LRRTM4: variants seen among roughly 807,000 people sequenced by gnomAD.
LRRTM4 encodes leucine rich repeat transmembrane neuronal 4.
A neutral mutation model predicts 47.6 loss-of-function variants in LRRTM4; 25 were observed. The ratio of observed to expected loss-of-function variants is 0.53; its 90% CI spans 0.38 to 0.73. LRRTM4 has a LOEUF of 0.73. Ranked by LOEUF, LRRTM4 falls within the 30% of genes least tolerant of loss-of-function variation. The pLI is 0.00. For synonymous variants in LRRTM4, 311 were observed against 269.5 expected, an observed-to-expected ratio of 1.15 and a Z score of -1.51; for missense variants, 638 against 713.4, an observed-to-expected ratio of 0.89 and a Z score of 1.20.
intron 3 of LRRTM4, among the ~76,000 whole-genome samples, chr2:77,357,554 G>A (rs1244958899): frequency 1.3e-5 from 2 of 152,046 alleles, no homozygotes; most frequent in African/African-American, 2.4e-5. Flanking sequence ...ATATAAATAT[G>A]AACTTCTTCA....
intron 3 of LRRTM4, among the ~76,000 whole-genome samples, chr2:76,973,518 A>T (rs2860932): frequency 0.21 from 32,575 of 151,870 alleles, 4,141 homozygotes; most frequent in African/African-American, 0.34. Flanking sequence ...TTTTCAGATG[A>T]AAAGAACTCT....
At chr2:77,259,850 C>A (rs115993155) in intron 3 of LRRTM4, among the ~76,000 whole-genome samples, 263 of 152,106 alleles carry the variant, frequency 1.7e-3, no homozygotes, top group African/African-American at 6.0e-3. Flanking sequence ...ATATATAACA[C>A]CTACTCGTTT....
At chr2:76,942,916 C>A (rs906030526) in intron 3 of LRRTM4, among the ~76,000 whole-genome samples, 2 of 152,150 alleles carry the variant, frequency 1.3e-5, no homozygotes, top group Non-Finnish European at 2.9e-5. Flanking sequence ...TTAAGGCTGG[C>A]ATGTTGTGAT....
chr2:76,820,374 G>C (rs1375906332), intron 3 of LRRTM4, among the ~76,000 whole-genome samples: 1 of 151,764 alleles, frequency 6.6e-6, no homozygotes, highest in Non-Finnish European at 1.5e-5. Context: ...CTCAAGGCTA[G>C]ATTAGGTCCT....
At chr2:77,174,436 A>G (rs147978273) in intron 3 of LRRTM4, among the ~76,000 whole-genome samples, 123 of 152,298 alleles carry the variant, frequency 8.1e-4, no homozygotes, top group African/African-American at 2.9e-3. Context: ...GCACAGGTGT[A>G]TCTCTGCTCC....
At chr2:77,240,093 C>T (rs1394989764) in intron 3 of LRRTM4, among the ~76,000 whole-genome samples, 1 of 151,448 alleles carries the variant, frequency 6.6e-6, no homozygotes, top group African/African-American at 2.4e-5. Flanking sequence ...GTGTCTCTGA[C>T]CAAAATGAAA....
chr2:77,251,060 G>A (rs1675590668), intron 3 of LRRTM4, among the ~76,000 whole-genome samples: 1 of 151,502 alleles, frequency 6.6e-6, no homozygotes, highest in Non-Finnish European at 1.5e-5. Context: ...CCGAGATAGT[G>A]CCATTGCACT....
At chr2:76,864,563 AG>A (rs1446919867) in intron 3 of LRRTM4, among the ~76,000 whole-genome samples, 3 of 151,572 alleles carry the variant, frequency 2.0e-5, no homozygotes, top group Non-Finnish European at 4.4e-5. Context: ...AGGCTGAGGC[AG>A]GGGAATTGCT....
At chr2:77,234,660 T>C (rs907091412) in intron 3 of LRRTM4, among the ~76,000 whole-genome samples, 7 of 152,152 alleles carry the variant, frequency 4.6e-5, no homozygotes, top group Non-Finnish European at 7.4e-5. Context: ...CTGGGCAGAT[T>C]TTTTAAAATT....
intron 3 of LRRTM4, among the ~76,000 whole-genome samples, chr2:77,091,252 C>A (rs562228384): frequency 2.0e-5 from 3 of 150,130 alleles, no homozygotes; most frequent in Admixed American, 6.6e-5. Flanking sequence ...TGTATCCCCC[C>A]ACCTTAACCC....
At chr2:76,753,136 T>C (rs555924193) in intron 3 of LRRTM4, among the ~76,000 whole-genome samples, 1 of 152,294 alleles carries the variant, frequency 6.6e-6, no homozygotes, top group East Asian at 1.9e-4. Flanking sequence ...AGTTTAAATC[T>C]GAAGTAGGTT....
chr2:77,518,428 A>G lies in LRRTM4; in HGVS notation c.1441T>C (p.Leu481=), dbSNP rs767742693. The G allele has an allele frequency of 6.2e-7, 1 of 1,613,188 alleles. No individual in the cohort carries two copies. The highest frequency in any genetic ancestry group is 1.7e-5 in the Admixed American group (1 of 59,826). ...RESERQMNSP[L]QEYYVDYKPT... ...TTGTAGTCCACATAATACTCCTGTA[A>G]AGGGGAATTCATTTGTCTTTCAGAC... The change falls in exon 3 of 4, where the codon TTA becomes CTA. Residue 481 remains leucine, a synonymous_variant. Coordinates refer to ENST00000409884, the MANE Select transcript of LRRTM4 (RefSeq NM_001134745.3).
At chr2:77,306,009 C>T (rs1243321662) in intron 3 of LRRTM4, among the ~76,000 whole-genome samples, 2 of 152,062 alleles carry the variant, frequency 1.3e-5, no homozygotes, top group African/African-American at 4.8e-5. Context: ...TGTATTATGA[C>T]CACATGTCCA....
chr2:77,035,711 A>G (rs1465648185), intron 3 of LRRTM4, among the ~76,000 whole-genome samples: 3 of 151,832 alleles, frequency 2.0e-5, no homozygotes, highest in Non-Finnish European at 2.9e-5. Context: ...GCATGCATCA[A>G]TAGTCCCTTT....
chr2:77,468,577 A>G (rs1274861886), intron 3 of LRRTM4, among the ~76,000 whole-genome samples: 1 of 152,336 alleles, frequency 6.6e-6, no homozygotes, highest in Middle Eastern at 3.4e-3. Flanking sequence ...GCAGACAGAC[A>G]TGTCAAGGGG....
chr2:76,847,563 CTTAT>C (rs1446183563), intron 3 of LRRTM4, among the ~76,000 whole-genome samples: 1 of 151,794 alleles, frequency 6.6e-6, no homozygotes, highest in Non-Finnish European at 1.5e-5. Flanking sequence ...TCTTTAAACA[CTTAT>C]TTTAGTTTTT....
intron 3 of LRRTM4, among the ~76,000 whole-genome samples, chr2:76,894,092 T>A (rs1176819657): frequency 3.3e-5 from 5 of 151,990 alleles, no homozygotes; most frequent in Non-Finnish European, 1.5e-5. Context: ...CACTGTACGA[T>A]GTTAAAAATA....
chr2:76,928,932 A>G (rs936642256), intron 3 of LRRTM4, among the ~76,000 whole-genome samples: 1 of 152,144 alleles, frequency 6.6e-6, no homozygotes, highest in Non-Finnish European at 1.5e-5. Flanking sequence ...TTTAATCAAC[A>G]TTACAAAGCT....
intron 3 of LRRTM4, among the ~76,000 whole-genome samples, chr2:77,026,819 T>C (rs1271693014): frequency 6.6e-6 from 1 of 152,122 alleles, no homozygotes; most frequent in Non-Finnish European, 1.5e-5. Context: ...GAAATACACA[T>C]GTATTCAAAA....
Sources: gnomAD v4.1 joint callset for allele counts (sites outside exome capture counted in the v4.1 genomes callset) on GRCh38, gnomAD v4.1.1 for gene constraint, MANE v1.5 for transcripts, NCBI Gene and HGNC (gene_info 2026-07-23, HGNC 2026-07-21) for gene names.